Variants in SLC35F3 observed in about 807,000 individuals in gnomAD.
SLC35F3 encodes the protein putative thiamine transporter SLC35F3.
A neutral mutation model predicts 49.9 loss-of-function variants in SLC35F3; 25 were observed. The observed-to-expected ratio is 0.50, with a 90% CI of 0.37 to 0.70. SLC35F3 has a LOEUF of 0.70. Among genes scored for constraint, SLC35F3 ranks in the 30% least tolerant of loss-of-function variants. The probability of loss-of-function intolerance (pLI) is 0.00; values close to 1 mark genes in which losing one functional copy is unlikely to be tolerated. For missense variants in SLC35F3, 525 were observed against 639.8 expected, an observed-to-expected ratio of 0.82 and a Z score of 1.94; for synonymous variants, 275 against 265.4, an observed-to-expected ratio of 1.04 and a Z score of -0.35.
intron 2 of SLC35F3, among the ~76,000 whole-genome samples, chr1:233,988,797 A>G (rs879406430): frequency 6.6e-6 from 1 of 152,178 alleles, no homozygotes; most frequent in Non-Finnish European, 1.5e-5. Flanking sequence ...AGAGAATTGT[A>G]AAACTTCTGC....
chr1:234,267,497 C>T (rs1160255603), intron 3 of SLC35F3, among the ~76,000 whole-genome samples: 6 of 147,314 alleles, frequency 4.1e-5, no homozygotes, highest in African/African-American at 1.0e-4. Flanking sequence ...GGCGGCTGGC[C>T]GGGCGGGGGG....
At chr1:233,958,974 T>C (rs1391741536) in intron 2 of SLC35F3, among the ~76,000 whole-genome samples, 1 of 152,202 alleles carries the variant, frequency 6.6e-6, no homozygotes. Flanking sequence ...TGGAACTGTG[T>C]GTATGATCAG....
chr1:234,084,107 G>A (rs548431618), intron 2 of SLC35F3, among the ~76,000 whole-genome samples: 3 of 152,096 alleles, frequency 2.0e-5, no homozygotes, highest in African/African-American at 4.8e-5. Flanking sequence ...CCAAAGTGCT[G>A]GGATTACAGG....
chr1:234,230,432 T>C (rs1287474377), intron 2 of SLC35F3, among the ~76,000 whole-genome samples: 1 of 152,252 alleles, frequency 6.6e-6, no homozygotes, highest in Non-Finnish European at 1.5e-5. Context: ...TTAGCACTAA[T>C]GTGCCTCCAT....
At chr1:233,951,459 A>G (rs1486759774) in intron 2 of SLC35F3, among the ~76,000 whole-genome samples, 1 of 152,106 alleles carries the variant, frequency 6.6e-6, no homozygotes. Context: ...CTTTAAAAAA[A>G]AAATCCATTA....
chr1:234,297,666 C>T (rs1289408399), intron 3 of SLC35F3, among the ~76,000 whole-genome samples: 1 of 151,786 alleles, frequency 6.6e-6, no homozygotes. Context: ...ATTACTTGAG[C>T]CCTGGAGATT....
At chr1:233,991,274 A>G (rs1396827295) in intron 2 of SLC35F3, among the ~76,000 whole-genome samples, 1 of 152,050 alleles carries the variant, frequency 6.6e-6, no homozygotes, top group Admixed American at 6.6e-5. Context: ...GCTTCCAAAA[A>G]TCATCTCCCA....
chr1:234,070,029 C>T (rs190809240), intron 2 of SLC35F3, among the ~76,000 whole-genome samples: 2 of 152,346 alleles, frequency 1.3e-5, no homozygotes, highest in African/African-American at 2.4e-5. Context: ...CTTCTTCCAA[C>T]CACCTCCTCC....
chr1:234,036,401 A>G (rs1260164192), intron 2 of SLC35F3, among the ~76,000 whole-genome samples: 1 of 152,152 alleles, frequency 6.6e-6, no homozygotes, highest in African/African-American at 2.4e-5. Context: ...ATTAGTGTAC[A>G]TATCTTTGGA....
chr1:233,946,869 A>G lies in SLC35F3; in HGVS notation c.283+41111A>G, dbSNP rs1053234903. ...TTCTGCCACTGCCTGGCAGACAGGA[A>G]TGTCACCTAGGAATGTGTGTGTGAC... On this transcript the variant is annotated intron_variant, in intron 2 of 7. Coordinates refer to ENST00000366618, the MANE Select transcript of SLC35F3 (RefSeq NM_173508.4). Among the ~76,000 whole-genome samples the G allele has an allele frequency of 2.6e-5, 4 of 152,342 alleles. No individual in the cohort carries two copies. The East Asian group carries it at 7.7e-4, about 29-fold the overall frequency.
chr1:234,298,252 A>G (rs1668636239), intron 3 of SLC35F3, among the ~76,000 whole-genome samples: 3 of 152,174 alleles, frequency 2.0e-5, no homozygotes, highest in Non-Finnish European at 4.4e-5. Flanking sequence ...TAGTGTAGTT[A>G]CTGTTTTATA....
chr1:234,114,246 A>T (rs1665450401), intron 2 of SLC35F3, among the ~76,000 whole-genome samples: 1 of 152,200 alleles, frequency 6.6e-6, no homozygotes, highest in Admixed American at 6.5e-5. Flanking sequence ...GAAGATAATG[A>T]GTTTTTGCTT....
intron 2 of SLC35F3, among the ~76,000 whole-genome samples, chr1:233,981,548 T>C (rs1344204891): frequency 6.6e-6 from 1 of 152,200 alleles, no homozygotes; most frequent in East Asian, 1.9e-4. Context: ...CAATTTGTTT[T>C]ACTGTCTACG....
At chr1:234,277,325 C>A (rs1257970304) in intron 3 of SLC35F3, among the ~76,000 whole-genome samples, 1 of 152,128 alleles carries the variant, frequency 6.6e-6, no homozygotes, top group Non-Finnish European at 1.5e-5. Context: ...GGTTTGGAGG[C>A]TGCTGGACCG....
chr1:234,282,871 G>A (rs1024128797), intron 3 of SLC35F3, among the ~76,000 whole-genome samples: 10 of 152,208 alleles, frequency 6.6e-5, no homozygotes, highest in African/African-American at 2.4e-4. Flanking sequence ...ACCAATAGTT[G>A]TGACAATGAT....
intron 2 of SLC35F3, among the ~76,000 whole-genome samples, chr1:233,920,806 C>T (rs772153713): frequency 1.7e-4 from 26 of 152,194 alleles, no homozygotes; most frequent in African/African-American, 4.6e-4. Context: ...GGATGGCAGG[C>T]GGCCTTTAAG....
At chr1:234,138,697 G>A (rs1438478535) in intron 2 of SLC35F3, among the ~76,000 whole-genome samples, 3 of 152,078 alleles carry the variant, frequency 2.0e-5, no homozygotes, top group African/African-American at 4.8e-5. Flanking sequence ...ATAGGTGTGC[G>A]CCACCATGCT....
At chr1:234,271,068 T>G (rs1210616863) in intron 3 of SLC35F3, among the ~76,000 whole-genome samples, 1 of 152,238 alleles carries the variant, frequency 6.6e-6, no homozygotes, top group African/African-American at 2.4e-5. Context: ...TTTCTTGGAT[T>G]CTAAAGAACC....
At chr1:233,977,075 G>C (rs1433074243) in intron 2 of SLC35F3, among the ~76,000 whole-genome samples, 1 of 152,164 alleles carries the variant, frequency 6.6e-6, no homozygotes, top group East Asian at 1.9e-4. Flanking sequence ...ATGTCACCTG[G>C]TGAAAGGGGC....
Sources: gnomAD v4.1 joint callset for allele counts (sites outside exome capture counted in the v4.1 genomes callset) on GRCh38, gnomAD v4.1.1 for gene constraint, MANE v1.5 for transcripts, NCBI Gene and HGNC (gene_info 2026-07-23, HGNC 2026-07-21) for gene names.